The following RASSF3 variants were observed in gnomAD, a reference collection of about 807,000 sequenced individuals.
The protein encoded by RASSF3 is ras association domain-containing protein 3.
RASSF3 carries 19 observed loss-of-function variants against 19.9 expected under a neutral mutation model. The ratio of observed to expected loss-of-function variants is 0.96; its 90% CI spans 0.67 to 1.40. RASSF3 has a LOEUF of 1.40. Among genes scored for constraint, RASSF3 ranks in the 40% most tolerant of loss-of-function variants. The pLI is 0.00. For missense variants in RASSF3, 306 were observed against 289.8 expected, an observed-to-expected ratio of 1.06 and a Z score of -0.41; for synonymous variants, 110 against 104.2, an observed-to-expected ratio of 1.06 and a Z score of -0.34.
Position 64,634,667 on chromosome 12 carries a change from A to G in RASSF3, c.111+23924A>G, listed in dbSNP as rs555830381. 2.0e-5 allele frequency among the ~76,000 whole-genome samples: 3 copies of G among 151,402 alleles called. No individual in the cohort carries two copies. In the East Asian group the frequency reaches 5.8e-4, roughly 29 times the overall value. ...TCTCGGCTACTCCGGAGGCTGAAGCATGAGAATCGCTTGAATTTGGCAGGC... is the reference window on the plus strand; with the variant it reads ...TCTCGGCTACTCCGGAGGCTGAAGCGTGAGAATCGCTTGAATTTGGCAGGC... On this transcript the variant is annotated intron_variant, in intron 1 of 4. Transcript: ENST00000542104.
chr12:64,544,190 T>C (rs530228317), downstream of RASSF3, among the ~76,000 whole-genome samples: 53 of 152,034 alleles, frequency 3.5e-4, no homozygotes, highest in African/African-American at 1.2e-3. Context: ...GAAACGCTCA[T>C]CGCGAAGGTC....
chr12:64,576,630 T>A (rs190963383), intron 2 of RASSF3, among the ~76,000 whole-genome samples: 1 of 152,078 alleles, frequency 6.6e-6, no homozygotes, highest in African/African-American at 2.4e-5. Context: ...GGAGGGCAGG[T>A]CAGTTGAGCC....
intron 1 of RASSF3, among the ~76,000 whole-genome samples, chr12:64,539,666 C>T (rs1462840899): frequency 6.6e-6 from 1 of 152,072 alleles, no homozygotes; most frequent in Non-Finnish European, 1.5e-5. Context: ...GTCACAGCTA[C>T]TTCAGAGGCT....
At chr12:64,665,004 T>C (rs1407161698) in intron 1 of RASSF3, among the ~76,000 whole-genome samples, 1 of 152,266 alleles carries the variant, frequency 6.6e-6, no homozygotes, top group African/African-American at 2.4e-5. Context: ...AATAGGTCTC[T>C]GTTGAAAAAT....
chr12:64,527,536 C>T (rs1408287317), intron 1 of RASSF3, among the ~76,000 whole-genome samples: 3 of 152,176 alleles, frequency 2.0e-5, no homozygotes, highest in African/African-American at 7.2e-5. Context: ...GCATAACTCC[C>T]TACTAGTATT....
chr12:64,681,584 C>A (rs1873128958), intron 1 of RASSF3, among the ~76,000 whole-genome samples: 1 of 152,182 alleles, frequency 6.6e-6, no homozygotes, highest in Non-Finnish European at 1.5e-5. Context: ...TTAGTATATG[C>A]TTTGAAGAGT....
intron 1 of RASSF3, among the ~76,000 whole-genome samples, chr12:64,643,290 C>A (rs981388341): frequency 1.3e-5 from 2 of 152,044 alleles, no homozygotes; most frequent in African/African-American, 4.8e-5. Context: ...TAGTAAAGCT[C>A]CATAAAGATT....
rs371366073 is a variant in RASSF3 at position 64,571,685 on chromosome 12, A to G, written c.294+29980A>G. Among the ~76,000 whole-genome samples the G allele has an allele frequency of 6.1e-4, 93 of 152,192 alleles. No homozygotes were observed. The East Asian group carries it at 9.8e-3, about 16-fold the overall frequency. On this transcript the variant is annotated intron_variant, in intron 2 of 5. Coordinates refer to the RASSF3 transcript ENST00000637125. The stretch of plus-strand genomic sequence containing the variant: ...CAGCACCATACAGTAATTTCCAGCA[A>G]TTATCTCCCTATCGTAAAAGTTCTG...
At chr12:64,673,099 A>G (rs1471024915) in intron 1 of RASSF3, among the ~76,000 whole-genome samples, 2 of 152,234 alleles carry the variant, frequency 1.3e-5, no homozygotes, top group African/African-American at 4.8e-5. Flanking sequence ...CAAAAGTTCC[A>G]TAAAGGATAT....
chr12:64,546,528 C>A (rs74379197), downstream of RASSF3, among the ~76,000 whole-genome samples: 37 of 152,320 alleles, frequency 2.4e-4, no homozygotes, highest in Admixed American at 6.5e-4. Flanking sequence ...CCTAGGCCCC[C>A]CAAAGTGCTG....
At chr12:64,585,601 C>CT (rs35374871) in intron 2 of RASSF3, among the ~76,000 whole-genome samples, 1,698 of 96,232 alleles carry the variant, frequency 0.018, 83 homozygotes, top group Admixed American at 0.11. Flanking sequence ...TAGGCAAGTC[C>CT]TTTTTTTTTT....
At chr12:64,605,932 A>G (rs1191067852), upstream of RASSF3, among the ~76,000 whole-genome samples, 1 of 150,870 alleles carries the variant, frequency 6.6e-6, no homozygotes. Flanking sequence ...ATCTTATGTC[A>G]CATAACAAGA....
chr12:64,543,374 C>A (rs538935026), downstream of RASSF3, among the ~76,000 whole-genome samples: 105 of 150,570 alleles, frequency 7.0e-4, no homozygotes, highest in African/African-American at 2.4e-3. Context: ...CCCCACGGGG[C>A]AGGGCTCGGG....
intron 1 of RASSF3, among the ~76,000 whole-genome samples, chr12:64,536,562 T>C (rs939751717): frequency 6.6e-6 from 1 of 152,176 alleles, no homozygotes; most frequent in Admixed American, 6.5e-5. Flanking sequence ...ATAATAACTT[T>C]ATTCTATTTC....
intron 2 of RASSF3, among the ~76,000 whole-genome samples, chr12:64,573,817 A>G (rs1443914889): frequency 2.0e-5 from 3 of 152,188 alleles, no homozygotes; most frequent in Non-Finnish European, 4.4e-5. Flanking sequence ...ATTCATTAGA[A>G]GCAAGTCACT....
At chr12:64,634,967 C>CTTTTT (rs139897110) in intron 1 of RASSF3, among the ~76,000 whole-genome samples, 28 of 128,090 alleles carry the variant, frequency 2.2e-4, no homozygotes, top group Middle Eastern at 3.8e-3. Context: ...CTTTTCTTTT[C>CTTTTT]TTTTTTTTTT....
chr12:64,511,779 T>G (rs1868330202), intron 1 of RASSF3, among the ~76,000 whole-genome samples: 2 of 152,190 alleles, frequency 1.3e-5, no homozygotes, highest in Non-Finnish European at 2.9e-5. Context: ...TTAAAAATAT[T>G]TTTTCAGCTC....
At chr12:64,614,133 C>CTTTTTTT (rs578071131) in intron 1 of RASSF3, among the ~76,000 whole-genome samples, 1 of 130,054 alleles carries the variant, frequency 7.7e-6, no homozygotes. Context: ...TTTACCATTT[C>CTTTTTTT]TTTTTTTTTT....
At chr12:64,666,461 G>C (rs749450396) in intron 1 of RASSF3, among the ~76,000 whole-genome samples, 4 of 152,078 alleles carry the variant, frequency 2.6e-5, no homozygotes, top group Non-Finnish European at 5.9e-5. Context: ...AGTATTTTCT[G>C]TTTGTCTAAA....
Sources: gnomAD v4.1 joint callset for allele counts (sites outside exome capture counted in the v4.1 genomes callset) on GRCh38, gnomAD v4.1.1 for gene constraint, MANE v1.5 for transcripts, NCBI Gene and HGNC (gene_info 2026-07-23, HGNC 2026-07-21) for gene names.